The following GGA2 variants were observed in gnomAD, a reference collection of about 807,000 sequenced individuals.
The protein encoded by GGA2 is golgi associated, gamma adaptin ear containing, ARF binding protein 2.
GGA2 carries 48 observed loss-of-function variants against 79.5 expected under a neutral mutation model. The ratio of observed to expected loss-of-function variants is 0.60; its 90% CI spans 0.48 to 0.77. GGA2 has a LOEUF of 0.77. Among genes scored for constraint, GGA2 ranks in the 30% least tolerant of loss-of-function variants. The pLI is 0.00. For missense variants in GGA2, 770 were observed against 774.0 expected, an observed-to-expected ratio of 0.99 and a Z score of 0.06; for synonymous variants, 317 against 302.0, an observed-to-expected ratio of 1.05 and a Z score of -0.51.
intron 1 of GGA2, among the ~76,000 whole-genome samples, chr16:23,497,548 C>T (rs1964871843): frequency 6.6e-6 from 1 of 152,148 alleles, no homozygotes; most frequent in Non-Finnish European, 1.5e-5. Context: ...GAAGAGAGAA[C>T]ACAAGGGCGA....
Position 23,468,975 on chromosome 16 carries a change from G to T in GGA2, c.1642C>A (p.Pro548Thr). Reference sequence around the variant, plus strand: ...GCAGGAAGCTTGGAGCTGGATGCCGGCTGCAGCTTCACTCTCATTGACTAT... The same window carrying T: ...GCAGGAAGCTTGGAGCTGGATGCCGTCTGCAGCTTCACTCTCATTGACTAT... ...VPKSMRVKLQ[P>T]ASSSKLPAFS... The change falls in exon 16 of 17, where the codon CCG becomes ACG. Residue 548 changes from proline (P) to threonine (T), a missense_variant. By Grantham distance (38) the Pro-to-Thr change is conservative (BLOSUM62 -1). Transcript: ENST00000309859. 1 of 1,608,270 alleles carries T rather than the reference G, an allele frequency of 6.2e-7. No individual in the cohort carries two copies. Among genetic ancestry groups the T allele is most frequent in the Non-Finnish European group, 8.5e-7 (1 of 1,174,708 alleles).
Position 23,465,098 on chromosome 16 carries a change from G to A in GGA2, c.*2492C>T. The A allele has an allele frequency of 1.8e-6, 1 of 566,900 alleles. No homozygotes were observed. The highest frequency in any genetic ancestry group is 2.2e-5 in the South Asian group (1 of 45,910). The allele number at this position is 566,900 out of a possible 1,614,324, so 35.1% of individuals were successfully genotyped here. On this transcript the variant is annotated 3_prime_UTR_variant, in exon 17 of 17. Coordinates refer to ENST00000309859, the MANE Select transcript of GGA2 (RefSeq NM_015044.4). ...CACATCATGAATTTGCTTCTCCCCA[G>A]AGGAAAAGAAGCTCCTTCAGGGTGG...
chr16:23,485,334 G>A (rs1964698301), intron 8 of GGA2, among the ~76,000 whole-genome samples: 1 of 152,074 alleles, frequency 6.6e-6, no homozygotes, highest in Non-Finnish European at 1.5e-5. Context: ...TTGCTTTTAT[G>A]GTATGTTAAT....
rs1705012909 is a variant in GGA2, at chr16:23,486,030, G to T, written c.783C>A (p.Asp261Glu). The change falls in exon 8 of 17, where the codon GAC becomes GAA. Residue 261 changes from aspartate (D) to glutamate (E), a missense_variant. Coordinates refer to ENST00000309859, the MANE Select transcript of GGA2 (RefSeq NM_015044.4). ...CCTGTATTACCTGCAGGGCCTCCTG[G>T]TCGGGCGGGGCCTGCCCTGGCCTGC... ...MYRRPGQAPP[D>E]QEALQVVYER... The T allele has an allele frequency of 6.2e-7, 1 of 1,614,092 alleles. No individual in the cohort carries two copies. The highest frequency in any genetic ancestry group is 1.7e-5 in the Admixed American group (1 of 59,984).
At chr16:23,494,477 G>C in intron 2 of GGA2, 99 bp from the exon 3 acceptor site, 3 of 845,224 alleles carry the variant, frequency 3.5e-6, no homozygotes, top group Middle Eastern at 2.8e-4. Flanking sequence ...TCCAGGGGCT[G>C]GTGTCCAAAA....
intron 9 of GGA2, among the ~76,000 whole-genome samples, chr16:23,482,409 T>C (rs1964659260): frequency 6.6e-6 from 1 of 152,172 alleles, no homozygotes; most frequent in Non-Finnish European, 1.5e-5. Context: ...GAAGAATATA[T>C]AGGTTTTACT....
At chr16:23,471,036 G>A (rs1369383848) in intron 14 of GGA2, among the ~76,000 whole-genome samples, 1 of 151,804 alleles carries the variant, frequency 6.6e-6, no homozygotes, top group Non-Finnish European at 1.5e-5. Flanking sequence ...CTCCATGTTG[G>A]TCAGGCTGGG....
chr16:23,467,483 G>T lies in GGA2; in HGVS notation c.*107C>A. 1 of 662,214 alleles carries T rather than the reference G, an allele frequency of 1.5e-6. No individual in the cohort carries two copies. Among genetic ancestry groups the T allele is most frequent in the South Asian group, 1.6e-5 (1 of 62,098 alleles). 41.0% of individuals were successfully genotyped at this position (662,214 alleles called of 1,614,324 possible). ...GGTTGACACCCAGAGCCTGACGTCAGGATAGGACTCTTGGCACTCCGCACT... is the reference window on the plus strand; with the variant it reads ...GGTTGACACCCAGAGCCTGACGTCATGATAGGACTCTTGGCACTCCGCACT... On this transcript the variant is annotated 3_prime_UTR_variant, in exon 17 of 17. Coordinates refer to ENST00000309859, the MANE Select transcript of GGA2 (RefSeq NM_015044.4).
chr16:23,495,915 G>A (rs1964849342), intron 1 of GGA2, 137 bp from the exon 2 acceptor site: 1 of 553,172 alleles, frequency 1.8e-6, no homozygotes, highest in South Asian at 2.6e-5. Context: ...GGAAGGAGAG[G>A]AATTGTGCCT....
chr16:23,488,749 AC>A, intron 5 of GGA2, 40 bp from the exon 6 acceptor site: 1 of 1,097,474 alleles, frequency 9.1e-7, no homozygotes. Flanking sequence ...CCGATATGGT[AC>A]CCAGAAACTT....
intron 6 of GGA2, among the ~76,000 whole-genome samples, 194 bp from the exon 7 acceptor site, chr16:23,486,984 G>GGTTT (rs775921031): frequency 6.0e-5 from 8 of 133,198 alleles, no homozygotes; most frequent in Non-Finnish European, 1.1e-4. Flanking sequence ...CTTTTCTGTT[G>GGTTT]TTTTTTTTTT....
chr16:23,498,865 C>A (rs771609957), intron 1 of GGA2, among the ~76,000 whole-genome samples: 2 of 152,086 alleles, frequency 1.3e-5, no homozygotes, highest in Non-Finnish European at 2.9e-5. Flanking sequence ...TGATTCTCAG[C>A]GATTATGTGT....
At chr16:23,478,329 G>C (rs186838541) in intron 13 of GGA2, 39 bp downstream of exon 13, 3 of 1,524,624 alleles carry the variant, frequency 2.0e-6, no homozygotes, top group Non-Finnish European at 2.6e-6. Context: ...CCGCACTCAG[G>C]AGCCACACTC....
intron 5 of GGA2, 71 bp from the exon 6 acceptor site, chr16:23,488,780 A>C (rs1567364732): frequency 4.6e-6 from 4 of 869,392 alleles, no homozygotes; most frequent in Non-Finnish European, 7.7e-6. Flanking sequence ...TCCAGTATAA[A>C]GTCTGGAAAC....
Position 23,474,979 on chromosome 16 carries a change from G to T in GGA2, c.1375C>A (p.Pro459Thr). 6.2e-7 allele frequency: 1 copy of T among 1,611,974 alleles called. No homozygotes were observed. Among genetic ancestry groups the T allele is most frequent in the South Asian group, 1.1e-5 (1 of 91,032 alleles). ...SSPGWSWEAG[P>T]LAPSPSSQNT... ...TGTGAAGATGGGGAAGGAGCCAACG[G>T]GCCAGCCTCCCAGGACCAACCTGGA... Residue 459 changes from proline (P) to threonine (T), a missense_variant, in exon 14 of 17, where the codon CCG (proline) becomes ACG (threonine). Pro to Thr is a conservative substitution (Grantham distance 38, BLOSUM62 -1). Coordinates refer to ENST00000309859, the MANE Select transcript of GGA2 (RefSeq NM_015044.4).
At chr16:23,498,188 G>C (rs1470161936) in intron 1 of GGA2, among the ~76,000 whole-genome samples, 2 of 151,960 alleles carry the variant, frequency 1.3e-5, no homozygotes, top group African/African-American at 4.8e-5. Flanking sequence ...GGTGAGGCAG[G>C]AGAATCGCTT....
intron 1 of GGA2, among the ~76,000 whole-genome samples, chr16:23,507,594 C>G (rs1180381634): frequency 6.6e-6 from 1 of 151,958 alleles, no homozygotes; most frequent in Non-Finnish European, 1.5e-5. Context: ...TGCCACTGTA[C>G]TCCAGCCTGG....
chr16:23,519,636 C>T (rs747693211), exon 2 of GGA2: 19 of 418,400 alleles, frequency 4.5e-5, no homozygotes, highest in South Asian at 3.0e-4. Flanking sequence ...AAGAGAAAGG[C>T]AGCCTGCAGA....
At chr16:23,499,963 T>A (rs570017546) in intron 1 of GGA2, among the ~76,000 whole-genome samples, 1 of 152,190 alleles carries the variant, frequency 6.6e-6, no homozygotes, top group African/African-American at 2.4e-5. Flanking sequence ...CTGGGCCAGA[T>A]TGGTTCCTGG....
Sources: gnomAD v4.1 joint callset for allele counts (sites outside exome capture counted in the v4.1 genomes callset) on GRCh38, gnomAD v4.1.1 for gene constraint, MANE v1.5 for transcripts, NCBI Gene and HGNC (gene_info 2026-07-23, HGNC 2026-07-21) for gene names.